ATRNL1: variants seen among roughly 807,000 people sequenced by gnomAD.
ATRNL1 encodes attractin like 1, also known as attractin-like protein 1.
ATRNL1 carries 95 observed loss-of-function variants against 182.7 expected under a neutral mutation model. The ratio of observed to expected loss-of-function variants is 0.52; its 90% CI spans 0.44 to 0.62. The LOEUF (loss-of-function observed/expected upper bound fraction) is 0.62. ATRNL1 is among the 20% of genes least tolerant of loss of function. The pLI, the probability that ATRNL1 is intolerant of heterozygous loss-of-function variation, is 0.00. For synonymous variants in ATRNL1, 576 were observed against 568.3 expected, an observed-to-expected ratio of 1.01 and a Z score of -0.19; for missense variants, 1,471 against 1,679.5, an observed-to-expected ratio of 0.88 and a Z score of 2.17.
At chr10:115,765,460 T>G (rs1183691932) in intron 27 of ATRNL1, among the ~76,000 whole-genome samples, 1 of 152,208 alleles carries the variant, frequency 6.6e-6, no homozygotes, top group Non-Finnish European at 1.5e-5. Flanking sequence ...GTGTATCATC[T>G]TTGGTAAGGT....
chr10:115,556,219 C>T (rs1853307022), intron 26 of ATRNL1, among the ~76,000 whole-genome samples: 2 of 152,034 alleles, frequency 1.3e-5, no homozygotes, highest in African/African-American at 2.4e-5. Flanking sequence ...TCAACTATTG[C>T]ACAATGTTCA....
At chr10:115,666,736 A>G (rs1861022137) in intron 26 of ATRNL1, among the ~76,000 whole-genome samples, 1 of 152,114 alleles carries the variant, frequency 6.6e-6, no homozygotes, top group Non-Finnish European at 1.5e-5. Context: ...GGCACAGTAA[A>G]TACTTGGTAT....
intron 28 of ATRNL1, among the ~76,000 whole-genome samples, chr10:115,889,625 A>C (rs1431940945): frequency 6.6e-6 from 1 of 152,164 alleles, no homozygotes; most frequent in African/African-American, 2.4e-5. Context: ...TTCTTTCAGC[A>C]ATTCTGCAGT....
intron 26 of ATRNL1, among the ~76,000 whole-genome samples, chr10:115,657,985 G>A (rs1860430596): frequency 6.6e-6 from 1 of 150,990 alleles, no homozygotes; most frequent in South Asian, 2.1e-4. Flanking sequence ...ATAAATCTTG[G>A]CATATAAATG....
intron 9 of ATRNL1, among the ~76,000 whole-genome samples, chr10:115,233,216 T>A (rs1554900413): frequency 1.3e-5 from 2 of 152,160 alleles, no homozygotes; most frequent in Non-Finnish European, 2.9e-5. Flanking sequence ...GATCTCATTT[T>A]AACTTAACTA....
intron 27 of ATRNL1, among the ~76,000 whole-genome samples, chr10:115,734,663 C>T (rs1555064772): frequency 3.3e-5 from 5 of 151,880 alleles, no homozygotes; most frequent in South Asian, 2.1e-4. Flanking sequence ...TGTAAATTAC[C>T]TGCTATAAAT....
chr10:115,900,238 A>G lies in ATRNL1; in HGVS notation c.4019-44420A>G, dbSNP rs568702378. Among the ~76,000 whole-genome samples, 6 of 152,332 alleles carry G rather than the reference A, an allele frequency of 3.9e-5. No individual in the cohort carries two copies. The East Asian group carries it at 5.8e-4, about 15-fold the overall frequency. Reference sequence around the variant, plus strand: ...ATAAATTGGGCCCATACCTCCTATTATAACTCAAAAATTAATGCCTCTTGG... The same window carrying G: ...ATAAATTGGGCCCATACCTCCTATTGTAACTCAAAAATTAATGCCTCTTGG... On this transcript the variant is annotated intron_variant, in intron 28 of 28. Transcript: ENST00000355044.
intron 26 of ATRNL1, among the ~76,000 whole-genome samples, chr10:115,715,397 T>TC (rs1555055974): frequency 6.6e-6 from 1 of 152,184 alleles, no homozygotes; most frequent in African/African-American, 2.4e-5. Context: ...TGTTTCTAAA[T>TC]CCATATACCT....
chr10:115,518,840 A>G lies in ATRNL1; in HGVS notation c.3655-423A>G, dbSNP rs190411721. On this transcript the variant is annotated intron_variant, in intron 24 of 28. Coordinates refer to ENST00000355044, the MANE Select transcript of ATRNL1 (RefSeq NM_207303.4). The stretch of plus-strand genomic sequence containing the variant: ...TTAACAAGTTTTAAAATGATGTGAC[A>G]TATTTTATTATTTGAATGGTGTGTA... Among the ~76,000 whole-genome samples, 20 of 150,884 alleles carry G rather than the reference A, an allele frequency of 1.3e-4. No individual in the cohort carries two copies. In the East Asian group the frequency reaches 3.7e-3, roughly 28 times the overall value.
intron 26 of ATRNL1, among the ~76,000 whole-genome samples, chr10:115,690,937 G>A (rs545301933): frequency 3.9e-5 from 6 of 152,106 alleles, no homozygotes; most frequent in Non-Finnish European, 7.4e-5. Flanking sequence ...GCTGAATTAC[G>A]CTTTACCTAC....
intron 15 of ATRNL1, among the ~76,000 whole-genome samples, chr10:115,295,286 C>T (rs1297083710): frequency 1.3e-5 from 2 of 152,140 alleles, no homozygotes; most frequent in African/African-American, 4.8e-5. Flanking sequence ...AGGTGCATTG[C>T]TGCTCGGCTG....
chr10:115,475,434 G>A (rs529176437), intron 24 of ATRNL1, among the ~76,000 whole-genome samples: 1 of 151,508 alleles, frequency 6.6e-6, no homozygotes, highest in Middle Eastern at 3.4e-3. Flanking sequence ...GTTATCAATG[G>A]AAGTAATCCA....
At chr10:115,452,584 A>G (rs1251888076) in intron 21 of ATRNL1, among the ~76,000 whole-genome samples, 1 of 152,188 alleles carries the variant, frequency 6.6e-6, no homozygotes, top group East Asian at 1.9e-4. Context: ...CACAATAAAT[A>G]TCCACAATTT....
chr10:115,430,934 T>C (rs1846130577), intron 21 of ATRNL1, among the ~76,000 whole-genome samples: 1 of 152,132 alleles, frequency 6.6e-6, no homozygotes, highest in South Asian at 2.1e-4. Context: ...AGTATTTAGG[T>C]TGAGAAATCC....
At chr10:115,816,394 A>G (rs191280583) in intron 27 of ATRNL1, among the ~76,000 whole-genome samples, 73 of 152,306 alleles carry the variant, frequency 4.8e-4, no homozygotes, top group Non-Finnish European at 9.6e-4. Flanking sequence ...CATTAATTCA[A>G]CAAATACATA....
At chr10:115,839,681 C>T (rs1950759061) in intron 27 of ATRNL1, among the ~76,000 whole-genome samples, 1 of 152,134 alleles carries the variant, frequency 6.6e-6, no homozygotes, top group South Asian at 2.1e-4. Context: ...TTACTACCCC[C>T]AGGACTCTAT....
chr10:115,322,848 T>G (rs1554931925), intron 18 of ATRNL1, among the ~76,000 whole-genome samples: 1 of 152,138 alleles, frequency 6.6e-6, no homozygotes, highest in Non-Finnish European at 1.5e-5. Flanking sequence ...TTAAAATCAG[T>G]TGTTAATCTT....
intron 26 of ATRNL1, among the ~76,000 whole-genome samples, chr10:115,626,450 A>G (rs1010499927): frequency 2.0e-4 from 31 of 152,132 alleles, no homozygotes; most frequent in African/African-American, 7.2e-4. Context: ...TCTGTCCATG[A>G]ATTAGCTTTT....
intron 20 of ATRNL1, among the ~76,000 whole-genome samples, chr10:115,423,382 A>C (rs1554962280): frequency 6.6e-6 from 1 of 151,812 alleles, no homozygotes; most frequent in Non-Finnish European, 1.5e-5. Flanking sequence ...AAAATACAAA[A>C]AGCTAGCCAG....
Sources: allele counts gnomAD v4.1 joint callset (sites outside exome capture counted in the v4.1 genomes callset), GRCh38; gene constraint gnomAD v4.1.1; transcripts MANE v1.5; gene names NCBI Gene and HGNC (gene_info 2026-07-23, HGNC 2026-07-21).